Variants in VPS53 observed in about 807,000 individuals in gnomAD.
VPS53 encodes VPS53 subunit of GARP complex, also known as vacuolar protein sorting-associated protein 53 homolog.
In VPS53, 70 loss-of-function variants were observed where a neutral mutation model predicts 107.0. The observed-to-expected ratio is 0.65, with a 90% CI of 0.54 to 0.80. The LOEUF is 0.80. Ranked by LOEUF, VPS53 falls within the 30% of genes least tolerant of loss-of-function variation. VPS53 has a pLI of 0.00. For synonymous variants in VPS53, 409 were observed against 393.3 expected, an observed-to-expected ratio of 1.04 and a Z score of -0.47; for missense variants, 917 against 1,049.4, an observed-to-expected ratio of 0.87 and a Z score of 1.74.
rs1280063854 is a variant in VPS53 at position 562,651 on chromosome 17, TG to T, written c.1407del (p.Ser470AlafsTer25). The T allele has an allele frequency of 6.2e-7, 1 of 1,613,780 alleles. No individual in the cohort carries two copies. Among genetic ancestry groups the T allele is most frequent in the African/African-American group, 1.3e-5 (1 of 74,808 alleles). ...TAGTAGACAAAGAGGTCGGCGCAGC[TG>T]GGGAGCACGGCACCCCCTTCATCAG... ...PNTDEGGAVLPSCADLFVYYK... is the reference protein window; with the variant it reads ...PNTDEGGAVLXSCADLFVYYK... On this transcript the variant is annotated frameshift_variant, in exon 14 of 22. Coordinates refer to ENST00000437048, the MANE Select transcript of VPS53 (RefSeq NM_001128159.3). LOFTEE classifies it high-confidence loss of function.
At chr17:592,819 AT>A (rs1967737551) in intron 12 of VPS53, among the ~76,000 whole-genome samples, 1 of 151,394 alleles carries the variant, frequency 6.6e-6, no homozygotes, top group African/African-American at 2.4e-5. Flanking sequence ...TGCCCCTGAC[AT>A]TTTTTCCTTC....
intron 8 of VPS53, among the ~76,000 whole-genome samples, chr17:628,989 A>G (rs1407096941): frequency 6.6e-6 from 1 of 152,236 alleles, no homozygotes; most frequent in Non-Finnish European, 1.5e-5. Flanking sequence ...GGACTACAGT[A>G]AAAAGAACAC....
intron 4 of VPS53, among the ~76,000 whole-genome samples, chr17:687,476 T>A (rs1178382837): frequency 6.7e-6 from 1 of 150,200 alleles, no homozygotes; most frequent in African/African-American, 2.5e-5. Flanking sequence ...CTCAGGAGGC[T>A]GAGGCAGGGG....
At chr17:657,049 C>T (rs1373796432) in intron 5 of VPS53, 17 of 883,544 alleles carry the variant, frequency 1.9e-5, no homozygotes, top group Non-Finnish European at 3.1e-5. Context: ...CCATATATGG[C>T]TTGCCAGTGT....
At chr17:713,006 G>A (rs969765549) in intron 1 of VPS53, among the ~76,000 whole-genome samples, 5 of 152,130 alleles carry the variant, frequency 3.3e-5, no homozygotes, top group Non-Finnish European at 7.4e-5. Flanking sequence ...CTCAGGCTAG[G>A]ACAAAGTTGG....
At chr17:656,824 CTT>C (rs750305110) in intron 5 of VPS53, 39 of 1,581,922 alleles carry the variant, frequency 2.5e-5, no homozygotes, top group African/African-American at 1.1e-4. Flanking sequence ...CCGCCAGTCT[CTT>C]GTCTCTCTCT....
chr17:662,462 G>A (rs1597455130), intron 4 of VPS53, among the ~76,000 whole-genome samples: 1 of 152,210 alleles, frequency 6.6e-6, no homozygotes, highest in East Asian at 1.9e-4. Context: ...GGCCAAGGCG[G>A]GCAGATCACG....
chr17:600,619 T>G (rs1968285064), intron 12 of VPS53, among the ~76,000 whole-genome samples: 1 of 152,356 alleles, frequency 6.6e-6, no homozygotes, highest in Non-Finnish European at 1.5e-5. Flanking sequence ...ATTCCTGAGA[T>G]TCAGTTCTAT....
rs1318456868 is a variant in VPS53, at chr17:710,527, A to G, written c.168+6T>C. On this transcript the variant is annotated splice_donor_region_variant and intron_variant, in intron 2 of 21. Coordinates refer to ENST00000437048, the MANE Select transcript of VPS53 (RefSeq NM_001128159.3). The stretch of plus-strand genomic sequence containing the variant: ...TGAAAGGAAGGAAACCTGAAACTCT[A>G]CTTACTTGCTCGGTTGGGAACAGGG... 1 of 1,611,004 alleles carries G rather than the reference A, an allele frequency of 6.2e-7. No homozygotes were observed. Among genetic ancestry groups the G allele is most frequent in the Non-Finnish European group, 8.5e-7 (1 of 1,177,566 alleles).
At chr17:695,882 C>T (rs983990873) in intron 4 of VPS53, among the ~76,000 whole-genome samples, 4 of 152,238 alleles carry the variant, frequency 2.6e-5, no homozygotes, top group Admixed American at 6.5e-5. Flanking sequence ...AGAGCTGATA[C>T]GGTGTCTGAA....
chr17:651,053 G>A lies in VPS53; in HGVS notation c.608+2238C>T, dbSNP rs59234869. On this transcript the variant is annotated intron_variant, in intron 7 of 21. Coordinates refer to ENST00000437048, the MANE Select transcript of VPS53 (RefSeq NM_001128159.3). ...TTTATATAAATACACACACAAATCC[G>A]GAGAGATAGGATTAAAACTATAGAT... Among the ~76,000 whole-genome samples, 334 of 152,192 alleles carry A rather than the reference G, an allele frequency of 2.2e-3. 2 individuals carry two copies. The highest frequency in any genetic ancestry group is 7.7e-3 in the African/African-American group (319 of 41,518).
chr17:596,647 C>CT (rs910937084), intron 12 of VPS53, among the ~76,000 whole-genome samples: 8 of 152,144 alleles, frequency 5.3e-5, no homozygotes, highest in African/African-American at 1.7e-4. Flanking sequence ...TTTTTTCTTA[C>CT]TTTTTTCCTG....
chr17:700,223 G>A (rs1270258336), intron 2 of VPS53, among the ~76,000 whole-genome samples: 1 of 152,154 alleles, frequency 6.6e-6, no homozygotes, highest in South Asian at 2.1e-4. Context: ...ACTACGTATT[G>A]CAATATGAAA....
intron 4 of VPS53, among the ~76,000 whole-genome samples, chr17:694,886 C>T (rs1415781584): frequency 1.3e-5 from 2 of 152,062 alleles, no homozygotes; most frequent in East Asian, 3.9e-4. Context: ...TTTACCTTTT[C>T]GTAGAGACGT....
intron 12 of VPS53, 115 bp from the exon 13 acceptor site, chr17:586,479 T>A: frequency 1.0e-6 from 1 of 995,040 alleles, no homozygotes; most frequent in Non-Finnish European, 1.5e-6. Context: ...AAGAGAGTAC[T>A]CAATGTAACC....
intron 1 of VPS53, among the ~76,000 whole-genome samples, chr17:713,882 A>ACCCC (rs879580673): frequency 2.1e-5 from 2 of 96,570 alleles, no homozygotes; most frequent in South Asian, 3.7e-4. Flanking sequence ...CTTTACCCCA[A>ACCCC]AAAAAAAAAA....
chr17:685,570 C>T (rs894125177), intron 4 of VPS53, among the ~76,000 whole-genome samples: 9 of 152,106 alleles, frequency 5.9e-5, no homozygotes, highest in Non-Finnish European at 8.8e-5. Context: ...ATTTAAGGCA[C>T]GGTAGGCTAA....
At chr17:656,700 A>ATGTGTGTGTGTG (rs34123743) in intron 5 of VPS53, 32,631 of 551,262 alleles carry the variant, frequency 0.059, 512 homozygotes, top group East Asian at 0.11. Flanking sequence ...TGACTAAGAA[A>ATGTGTGTGTGTG]TGTGTGTGTG....
At position 519,396 on chromosome 17, in the gene VPS53, G is replaced by A; in HGVS notation, c.2329-98C>T. ...TGGATATGGGGTCAGCAGAGGCTCT[G>A]GAGACAGCATAGTTACTCCAGGCTG... is the stretch of plus-strand genomic sequence containing the variant. On this transcript the variant is annotated intron_variant, in intron 21 of 21. Coordinates refer to ENST00000437048, the MANE Select transcript of VPS53 (RefSeq NM_001128159.3). This position sits in a 1 kb window ranked among gnomAD's most constrained non-coding sequence, Gnocchi z 5.0. The A allele has an allele frequency of 8.1e-7, 1 of 1,241,828 alleles. No homozygotes were observed. Among genetic ancestry groups the A allele is most frequent in the Non-Finnish European group, 1.1e-6 (1 of 932,816 alleles). The allele number at this position is 1,241,828 out of a possible 1,614,324, so 76.9% of individuals were successfully genotyped here. A position where few individuals can be genotyped will look rare whatever the true frequency, so the allele number is the denominator to read the frequency against.
Sources: allele counts gnomAD v4.1 joint callset (sites outside exome capture counted in the v4.1 genomes callset), GRCh38; gene constraint gnomAD v4.1.1; non-coding constraint Gnocchi (gnomAD v3.1); transcripts MANE v1.5; gene names NCBI Gene and HGNC (gene_info 2026-07-23, HGNC 2026-07-21).